The following KCNK10 variants were observed in gnomAD, a reference collection of about 807,000 sequenced individuals.
The protein encoded by KCNK10 is potassium channel subfamily K member 10.
KCNK10 carries 25 observed loss-of-function variants against 47.7 expected under a neutral mutation model. The observed-to-expected ratio is 0.52, with a 90% CI of 0.38 to 0.73. KCNK10 has a LOEUF of 0.73. Ranked by LOEUF, KCNK10 falls within the 30% of genes least tolerant of loss-of-function variation. The probability of loss-of-function intolerance (pLI) is 0.00; values close to 1 mark genes in which losing one functional copy is unlikely to be tolerated. For missense variants in KCNK10, 563 were observed against 714.5 expected (o/e 0.79, Z 2.42); for synonymous variants, 303 against 285.6 (o/e 1.06, Z -0.61).
At chr14:88,286,785 T>A (rs1887771483) in intron 1 of KCNK10, among the ~76,000 whole-genome samples, 2 of 152,096 alleles carry the variant, frequency 1.3e-5, no homozygotes, top group Admixed American at 6.6e-5. Context: ...GAGAACAGTA[T>A]GGGGGAACCG....
Position 88,245,558 on chromosome 14 carries a change from G to A in KCNK10, c.403-4738C>T, listed in dbSNP as rs991853560. On this transcript the variant is annotated intron_variant, in intron 2 of 6. Transcript: ENST00000319231. ...GACAGCGTGCGATACCATCATGAGC[G>A]TTAGTGCTGCACTGGGATGAATGAT... Among the ~76,000 whole-genome samples the A allele has an allele frequency of 7.9e-5, 12 of 152,180 alleles. No homozygotes were observed. In the South Asian group the frequency reaches 2.1e-3, roughly 26 times the overall value.
At chr14:88,255,416 G>T (rs1017208879) in intron 2 of KCNK10, among the ~76,000 whole-genome samples, 1 of 152,062 alleles carries the variant, frequency 6.6e-6, no homozygotes, top group Non-Finnish European at 1.5e-5. Context: ...ACTTCAGACT[G>T]GGCATGGTGC....
intron 2 of KCNK10, among the ~76,000 whole-genome samples, chr14:88,250,437 A>T (rs1886761675): frequency 6.6e-6 from 1 of 152,164 alleles, no homozygotes; most frequent in Non-Finnish European, 1.5e-5. Context: ...CCCTGGGCTC[A>T]AAGAACCCGA....
chr14:88,192,401 C>T lies in KCNK10; in HGVS notation c.691G>A (p.Val231Met), dbSNP rs1253700884. 1 of 1,613,632 alleles carries T rather than the reference C, an allele frequency of 6.2e-7. No homozygotes were observed. Among genetic ancestry groups the T allele is most frequent in the Admixed American group, 1.7e-5 (1 of 59,962 alleles). Residue 231 changes from valine to methionine, a missense_variant, in exon 5 of 7, where the codon GTG (valine) becomes ATG (methionine). Transcript: ENST00000319231. ...RVEKVFRKKQ[V>M]SQTKIRVIST... ...ATGACCCGGATCTTGGTCTGACTCACTTGCTTTTTCTAGGAAGAGCAAAGG... is the reference window on the plus strand; with the variant it reads ...ATGACCCGGATCTTGGTCTGACTCATTTGCTTTTTCTAGGAAGAGCAAAGG...
chr14:88,225,272 G>A (rs1323269320), intron 4 of KCNK10, among the ~76,000 whole-genome samples: 1 of 152,194 alleles, frequency 6.6e-6, no homozygotes, highest in Non-Finnish European at 1.5e-5. Flanking sequence ...CTTTCCAATA[G>A]CACCCTCCAA....
At chr14:88,298,640 T>C (rs1327852774) in intron 1 of KCNK10, among the ~76,000 whole-genome samples, 1 of 152,226 alleles carries the variant, frequency 6.6e-6, no homozygotes, top group Non-Finnish European at 1.5e-5. Context: ...TTTGCTATGG[T>C]GACTACTCAC....
At chr14:88,231,081 C>A in intron 3 of KCNK10, among the ~76,000 whole-genome samples, 1 of 151,964 alleles carries the variant, frequency 6.6e-6, no homozygotes, top group South Asian at 2.1e-4. Context: ...TTGAGACCAG[C>A]CTGAACAATA....
At chr14:88,256,636 G>C (rs959138469) in intron 2 of KCNK10, among the ~76,000 whole-genome samples, 2 of 152,162 alleles carry the variant, frequency 1.3e-5, no homozygotes, top group African/African-American at 4.8e-5. Context: ...AGCGACTTCT[G>C]TGATGGGCAC....
intron 1 of KCNK10, among the ~76,000 whole-genome samples, chr14:88,284,190 T>C (rs1887714976): frequency 6.6e-6 from 1 of 151,726 alleles, no homozygotes; most frequent in South Asian, 2.1e-4. Context: ...AAACCTCAAG[T>C]CTAGAGGAAA....
intron 1 of KCNK10, among the ~76,000 whole-genome samples, chr14:88,276,896 C>T (rs1384417945): frequency 1.3e-5 from 2 of 152,232 alleles, no homozygotes. Flanking sequence ...TCCCTATAAA[C>T]AAACCTGAGA....
At chr14:88,263,681 C>T in intron 1 of KCNK10, 130 bp from the exon 2 acceptor site, 1 of 809,604 alleles carries the variant, frequency 1.2e-6, no homozygotes, top group Non-Finnish European at 1.9e-6. Context: ...CGCTGGTTCA[C>T]CAAGCCTGCA....
intron 1 of KCNK10, among the ~76,000 whole-genome samples, chr14:88,289,307 G>A (rs1887829292): frequency 6.6e-6 from 1 of 152,168 alleles, no homozygotes; most frequent in Non-Finnish European, 1.5e-5. Flanking sequence ...ATCTCACTGG[G>A]CTTCTTCTCT....
intron 3 of KCNK10, among the ~76,000 whole-genome samples, chr14:88,237,044 T>C (rs1886320264): frequency 6.6e-6 from 1 of 152,210 alleles, no homozygotes; most frequent in Non-Finnish European, 1.5e-5. Flanking sequence ...TTACCTACAG[T>C]AGAACTTTTT....
At chr14:88,315,517 A>T (rs1440098527) in intron 1 of KCNK10, among the ~76,000 whole-genome samples, 1 of 152,172 alleles carries the variant, frequency 6.6e-6, no homozygotes, top group Admixed American at 6.5e-5. Flanking sequence ...TCAGGCTCAT[A>T]TCACATTAAA....
At chr14:88,297,133 GTAAA>G (rs1381946046) in intron 1 of KCNK10, among the ~76,000 whole-genome samples, 10 of 152,124 alleles carry the variant, frequency 6.6e-5, no homozygotes, top group African/African-American at 1.9e-4. Context: ...CTGGTAGGTA[GTAAA>G]TAAATATTTG....
intron 1 of KCNK10, among the ~76,000 whole-genome samples, chr14:88,288,121 G>T (rs570982389): frequency 1.9e-4 from 29 of 152,012 alleles, no homozygotes; most frequent in African/African-American, 4.3e-4. Context: ...TCATATGTTT[G>T]TTGGCCATTT....
chr14:88,289,908 C>G (rs1343422714), intron 1 of KCNK10, among the ~76,000 whole-genome samples: 1 of 152,204 alleles, frequency 6.6e-6, no homozygotes, highest in Non-Finnish European at 1.5e-5. Context: ...CTAAGGGCAT[C>G]GTGCTTGTGT....
Position 88,192,284 on chromosome 14 carries a change from C to G in KCNK10, c.808G>C (p.Glu270Gln). Residue 270 changes from glutamate to glutamine, a missense_variant, in exon 5 of 7, where the codon GAG (glutamate) becomes CAG (glutamine). Glu to Gln is a conservative substitution (Grantham distance 29, BLOSUM62 2). Transcript: ENST00000319231. ...GTGACCACCACAAAGTAAATGGACT[C>G]CAAGGCCGTCCAGCCCTCGATGTAC... ...FKYIEGWTAL[E>Q]SIYFVVVTLT... 6.2e-7 allele frequency: 1 copy of G among 1,614,102 alleles called. No individual in the cohort carries two copies. Among genetic ancestry groups the G allele is most frequent in the Non-Finnish European group, 8.5e-7 (1 of 1,180,022 alleles).
chr14:88,202,919 G>A (rs1407434072), intron 4 of KCNK10, among the ~76,000 whole-genome samples: 2 of 152,322 alleles, frequency 1.3e-5, no homozygotes, highest in African/African-American at 2.4e-5. Flanking sequence ...GATCCTCCTA[G>A]GTCCTCCGAC....
Sources: gnomAD v4.1 joint callset for allele counts (sites outside exome capture counted in the v4.1 genomes callset) on GRCh38, gnomAD v4.1.1 for gene constraint, MANE v1.5 for transcripts, NCBI Gene and HGNC (gene_info 2026-07-23, HGNC 2026-07-21) for gene names.